Variants in NCOR1 observed in about 807,000 individuals in gnomAD.
NCOR1 encodes protein phosphatase 1, regulatory subunit 109.
In NCOR1, 63 loss-of-function variants were observed where a neutral mutation model predicts 288.1. The ratio of observed to expected loss-of-function variants is 0.22; its 90% CI spans 0.18 to 0.27. The LOEUF (loss-of-function observed/expected upper bound fraction) is 0.27, where lower values mean the gene tolerates loss of function less well. Among genes scored for constraint, NCOR1 ranks in the 10% least tolerant of loss-of-function variants. The pLI is 1.00. For missense variants in NCOR1, 2,397 were observed against 3,019.2 expected, an observed-to-expected ratio of 0.79 and a Z score of 4.83; for synonymous variants, 1,007 against 1,065.9, an observed-to-expected ratio of 0.94 and a Z score of 1.08.
intron 2 of NCOR1, among the ~76,000 whole-genome samples, chr17:16,192,671 C>T (rs1261585589): frequency 2.6e-5 from 4 of 151,908 alleles, no homozygotes; most frequent in Non-Finnish European, 5.9e-5. Context: ...AAAAGTATAT[C>T]GGACTTGATA....
At position 16,128,755 on chromosome 17, in the gene NCOR1, A is replaced by G. The variant is rs76856043; in HGVS notation, c.1510-2549T>C. Among the ~76,000 whole-genome samples the G allele has an allele frequency of 7.2e-3, 1,101 of 152,270 alleles. 24 individuals are homozygous for G. The highest frequency in any genetic ancestry group is 0.025 in the African/African-American group (1,029 of 41,536). On this transcript the variant is annotated intron_variant, in intron 14 of 45. Coordinates refer to ENST00000268712, the MANE Select transcript of NCOR1 (RefSeq NM_006311.4). Reference sequence around the variant, plus strand: ...AAATTTCCCTTCTTAATAGCGCTCCAAAGTCTTTTACCTATTCATCAAAAC... The same window carrying G: ...AAATTTCCCTTCTTAATAGCGCTCCGAAGTCTTTTACCTATTCATCAAAAC...
chr17:16,191,926 G>A (rs1050732173), intron 2 of NCOR1: 9 of 150,858 alleles, frequency 6.0e-5, no homozygotes, highest in African/African-American at 1.7e-4. Flanking sequence ...TACAGCTCTG[G>A]GCTATGCCAA....
At chr17:16,149,731 A>G (rs955096424) in intron 8 of NCOR1, among the ~76,000 whole-genome samples, 8 of 152,184 alleles carry the variant, frequency 5.3e-5, no homozygotes, top group Non-Finnish European at 7.4e-5. Flanking sequence ...TTCTACAGTA[A>G]GACTTAATAC....
intron 4 of NCOR1, 58 bp downstream of exon 4, chr17:16,171,745 A>T: frequency 7.2e-7 from 1 of 1,384,286 alleles, no homozygotes; most frequent in Non-Finnish European, 9.5e-7. Context: ...ATGCATGAGT[A>T]TAACTAAATA....
chr17:16,095,706 G>C (rs1332869081), intron 21 of NCOR1, among the ~76,000 whole-genome samples: 1 of 111,804 alleles, frequency 8.9e-6, no homozygotes, highest in Admixed American at 1.0e-4. Flanking sequence ...GGAGGTGGGG[G>C]AGTCAGCCCC....
intron 21 of NCOR1, among the ~76,000 whole-genome samples, chr17:16,096,556 A>G (rs1215116092): frequency 1.3e-5 from 2 of 152,216 alleles, no homozygotes; most frequent in Non-Finnish European, 2.9e-5. Context: ...ATGGCTCCTT[A>G]GTGCTGTGGT....
chr17:16,164,821 A>G (rs543531010), intron 5 of NCOR1, 158 bp downstream of exon 5: 1 of 513,864 alleles, frequency 1.9e-6, no homozygotes, highest in Non-Finnish European at 3.4e-6. Context: ...AAAATGAATG[A>G]ATGTAAGAAA....
chr17:16,104,888 G>A (rs532922256), intron 19 of NCOR1, among the ~76,000 whole-genome samples: 2 of 152,298 alleles, frequency 1.3e-5, no homozygotes, highest in South Asian at 4.1e-4. Context: ...CTGAACAGAG[G>A]ACTCAAGGAA....
intron 7 of NCOR1, among the ~76,000 whole-genome samples, chr17:16,152,622 A>G (rs905784886): frequency 6.6e-6 from 1 of 152,200 alleles, no homozygotes; most frequent in Non-Finnish European, 1.5e-5. Context: ...ATACGTGTGC[A>G]TGTGTCTTTA....
At chr17:16,197,679 C>T (rs1222972932) in intron 1 of NCOR1, among the ~76,000 whole-genome samples, 3 of 152,148 alleles carry the variant, frequency 2.0e-5, no homozygotes, top group Non-Finnish European at 4.4e-5. Context: ...TCTCAGCAAG[C>T]AGTGAACTAG....
At chr17:16,044,917 C>A in intron 42 of NCOR1, 2 of 674,404 alleles carry the variant, frequency 3.0e-6, no homozygotes, top group Admixed American at 2.1e-5. Context: ...AAAGAAGAAT[C>A]TGAGGAGTCT....
At chr17:16,142,617 T>G (rs149920162) in intron 11 of NCOR1, among the ~76,000 whole-genome samples, 1 of 152,198 alleles carries the variant, frequency 6.6e-6, no homozygotes, top group African/African-American at 2.4e-5. Context: ...AACTCAAAGA[T>G]AGCCTGACCC....
intron 4 of NCOR1, among the ~76,000 whole-genome samples, chr17:16,170,107 CTGTG>C (rs61345864): frequency 1.1e-3 from 167 of 147,676 alleles, no homozygotes; most frequent in Middle Eastern, 0.01. Context: ...TATTTGCTTT[CTGTG>C]TGTGTGTGTG....
chr17:16,070,550 C>T (rs1297579654), intron 30 of NCOR1, 25 bp from the exon 31 acceptor site: 4 of 1,601,266 alleles, frequency 2.5e-6, no homozygotes, highest in African/African-American at 2.7e-5. Flanking sequence ...ACAAACATTA[C>T]AGGTAGCAAA....
At chr17:16,195,913 T>C (rs934890227) in intron 1 of NCOR1, among the ~76,000 whole-genome samples, 1 of 152,074 alleles carries the variant, frequency 6.6e-6, no homozygotes, top group Non-Finnish European at 1.5e-5. Context: ...GTATTTTACA[T>C]ACATATGATA....
intron 14 of NCOR1, among the ~76,000 whole-genome samples, chr17:16,127,509 A>G (rs550675574): frequency 7.1e-6 from 1 of 140,948 alleles, no homozygotes; most frequent in Non-Finnish European, 1.5e-5. Flanking sequence ...GTATATACAT[A>G]TGTGTATATA....
At chr17:16,117,810 A>C (rs2072024775) in intron 18 of NCOR1, 78 bp downstream of exon 18, 1 of 1,447,272 alleles carries the variant, frequency 6.9e-7, no homozygotes, top group Non-Finnish European at 9.4e-7. Flanking sequence ...TGATAGAGTG[A>C]GACTCCATCT....
intron 11 of NCOR1, among the ~76,000 whole-genome samples, chr17:16,141,941 C>T (rs575386723): frequency 8.7e-4 from 133 of 152,250 alleles, no homozygotes; most frequent in Non-Finnish European, 1.3e-3. Context: ...AGTTTCTTAA[C>T]TTGCAAAACA....
intron 41 of NCOR1, among the ~76,000 whole-genome samples, chr17:16,047,944 G>A (rs776896225): frequency 6.6e-6 from 1 of 152,158 alleles, no homozygotes; most frequent in Non-Finnish European, 1.5e-5. Context: ...TAATTAAATT[G>A]AACATCACTC....
Sources: gnomAD v4.1 joint callset for allele counts (sites outside exome capture counted in the v4.1 genomes callset) on GRCh38, gnomAD v4.1.1 for gene constraint, MANE v1.5 for transcripts, NCBI Gene and HGNC (gene_info 2026-07-23, HGNC 2026-07-21) for gene names.